The following DNA2 variants were observed in gnomAD, a reference collection of about 807,000 sequenced individuals.
DNA2 encodes the protein DNA replication ATP-dependent helicase/nuclease DNA2.
In DNA2, 101 loss-of-function variants were observed where a neutral mutation model predicts 119.1. The observed-to-expected ratio is 0.85, with a 90% confidence interval of 0.72 to 1.00. The LOEUF (loss-of-function observed/expected upper bound fraction) is 1.00, where lower values mean the gene tolerates loss of function less well. DNA2 is among the 50% of genes least tolerant of loss of function. The probability of loss-of-function intolerance (pLI) is 0.00; values close to 1 mark genes in which losing one functional copy is unlikely to be tolerated. For missense variants in DNA2, 1,121 were observed against 1,255.5 expected (o/e 0.89, Z 1.62); for synonymous variants, 366 against 424.4 (o/e 0.86, Z 1.69).
At chr10:68,424,643 G>A in intron 14 of DNA2, 3 of 1,602,146 alleles carry the variant, frequency 1.9e-6, no homozygotes, top group Non-Finnish European at 2.6e-6. Flanking sequence ...TGCACCGGAA[G>A]ATCATGTCAT....
intron 6 of DNA2, among the ~76,000 whole-genome samples, chr10:68,447,285 A>G (rs1376610924): frequency 6.6e-6 from 1 of 152,072 alleles, no homozygotes; most frequent in Non-Finnish European, 1.5e-5. Context: ...TGGAAGGCCA[A>G]CGTGGGCAGA....
At chr10:68,447,042 G>T (rs1246726653) in intron 6 of DNA2, among the ~76,000 whole-genome samples, 2 of 152,180 alleles carry the variant, frequency 1.3e-5, no homozygotes, top group Middle Eastern at 3.4e-3. Flanking sequence ...TGTTTGAGGG[G>T]ATGGATACCG....
intron 17 of DNA2, among the ~76,000 whole-genome samples, chr10:68,420,779 AAAAAACAAAAAC>A (rs2051654269): frequency 6.6e-6 from 1 of 151,790 alleles, no homozygotes; most frequent in South Asian, 2.1e-4. Flanking sequence ...ACTCCATCCT[AAAAAACAAAAAC>A]AAAAACAAAA....
chr10:68,420,701 T>A (rs892251503), intron 17 of DNA2, among the ~76,000 whole-genome samples: 1 of 127,718 alleles, frequency 7.8e-6, no homozygotes, highest in Admixed American at 7.3e-5. Flanking sequence ...CAATCTTGAT[T>A]TTTTTTTTTT....
chr10:68,444,866 ATTTAG>A, intron 8 of DNA2, 50 bp downstream of exon 8: 1 of 1,396,022 alleles, frequency 7.2e-7, no homozygotes, highest in Non-Finnish European at 1.0e-6. Context: ...TGTTAAACGT[ATTTAG>A]TTGAGTTCAT....
rs903318284 is a variant in DNA2 at position 68,430,477 on chromosome 10, T to G, written c.2167A>C (p.Ile723Leu). 1 of 1,610,814 alleles carries G rather than the reference T, an allele frequency of 6.2e-7. No individual in the cohort carries two copies. The highest frequency in any genetic ancestry group is 1.7e-5 in the Admixed American group (1 of 59,562). Residue 723 changes from isoleucine to leucine, a missense_variant, in exon 14 of 21, where the codon ATT becomes CTT. Transcript: ENST00000358410. ...TCTTCTAGAAGAGCTAAGGATTTAA[T>G]GGACTTTGATCTGCAAATTTCTTGC... ...TEQEICRSKS[I>L]KSLALLEELY...
At chr10:68,417,892 T>C (rs1376800823) in intron 19 of DNA2, among the ~76,000 whole-genome samples, 1 of 152,118 alleles carries the variant, frequency 6.6e-6, no homozygotes, top group Non-Finnish European at 1.5e-5. Flanking sequence ...CTAAGTGAAA[T>C]AAGGTAGTCA....
In DNA2 at chr10:68,452,925, G is replaced by A. The variant is rs889391329; in HGVS notation, c.720-2678C>T. Among the ~76,000 whole-genome samples, 10 of 148,256 alleles carry A rather than the reference G, an allele frequency of 6.7e-5. No homozygotes were observed. In the South Asian group the frequency reaches 1.5e-3, roughly 22 times the overall value. On this transcript the variant is annotated intron_variant, in intron 5 of 20. Coordinates refer to ENST00000358410, the MANE Select transcript of DNA2 (RefSeq NM_001080449.3). Reference sequence around the variant, plus strand: ...CACAATTTTTTTTTTTTTTGAGATGGAATCTCGCTCTGTCGCAGAGGCTGG... The same window carrying A: ...CACAATTTTTTTTTTTTTTGAGATGAAATCTCGCTCTGTCGCAGAGGCTGG...
chr10:68,429,882 A>AT (rs142420844), intron 14 of DNA2, among the ~76,000 whole-genome samples: 2,889 of 123,644 alleles, frequency 0.023, 187 homozygotes, highest in African/African-American at 0.079. Context: ...AAAAACCCGG[A>AT]TTTTTTTTTT....
intron 14 of DNA2, chr10:68,424,718 C>T (rs1006181314): frequency 3.0e-5 from 48 of 1,598,112 alleles, no homozygotes; most frequent in Non-Finnish European, 3.9e-5. Flanking sequence ...GCAAGGACGA[C>T]GAGGTCCAGG....
At chr10:68,448,893 C>T (rs1277165827) in intron 6 of DNA2, among the ~76,000 whole-genome samples, 1 of 152,044 alleles carries the variant, frequency 6.6e-6, no homozygotes, top group African/African-American at 2.4e-5. Context: ...TTCTCAGCCT[C>T]CCGAGTAGCT....
In DNA2 at chr10:68,414,836, TA is replaced by T. The variant is rs529121415; in HGVS notation, c.*202del. 654 of 410,064 alleles carry T rather than the reference TA, an allele frequency of 1.6e-3. 7 individuals carry two copies. Among genetic ancestry groups the T allele is most frequent in the African/African-American group, 0.012 (600 of 49,070 alleles). 25.4% of individuals were successfully genotyped at this position (410,064 alleles called of 1,614,324 possible). A position where few individuals can be genotyped will look rare whatever the true frequency, so the allele number is the denominator to read the frequency against. ...AAAGTTAATCCATCTTCAAAGCTGG[TA>T]AAAATTTATCAAACTCTTTCTCTAG... On this transcript the variant is annotated 3_prime_UTR_variant, in exon 21 of 21. Transcript: ENST00000358410.
intron 14 of DNA2, among the ~76,000 whole-genome samples, chr10:68,424,033 T>C (rs929276023): frequency 1.3e-5 from 2 of 152,194 alleles, no homozygotes; most frequent in Non-Finnish European, 2.9e-5. Flanking sequence ...TGACAATCTA[T>C]AAATGCCAAC....
At chr10:68,463,869 G>A (rs2052293028) in intron 4 of DNA2, among the ~76,000 whole-genome samples, 1 of 152,180 alleles carries the variant, frequency 6.6e-6, no homozygotes, top group Non-Finnish European at 1.5e-5. Context: ...ACAGAGCAGA[G>A]TTGTGTCAGC....
chr10:68,419,156 T>A lies in DNA2; in HGVS notation c.2845A>T (p.Ile949Phe), dbSNP rs1462520717. 6.2e-7 allele frequency: 1 copy of A among 1,613,304 alleles called. No individual in the cohort carries two copies. Among genetic ancestry groups the A allele is most frequent in the Non-Finnish European group, 8.5e-7 (1 of 1,179,726 alleles). Reference protein sequence around the residue: ...IIAPYRQQLKIINDLLARSIG... With the variant: ...IIAPYRQQLKFINDLLARSIG... ...GAACGTGCCAATAAATCATTGATGA[T>A]CTTTAATTGCTGCCTGTACGGTGCA... The change falls in exon 19 of 21, where the codon ATC becomes TTC. Residue 949 changes from isoleucine to phenylalanine, a missense_variant. Coordinates refer to ENST00000358410, the MANE Select transcript of DNA2 (RefSeq NM_001080449.3).
rs910767980 is a variant in DNA2 at position 68,453,319 on chromosome 10, C to T, written c.720-3072G>A. ...TGTGTTAATTTCCTTTATGACTGAC[C>T]TTTTAAAACATTTATCAACATTTCC... On this transcript the variant is annotated intron_variant, in intron 5 of 20. Transcript: ENST00000358410. Among the ~76,000 whole-genome samples the T allele has an allele frequency of 3.9e-5, 6 of 152,106 alleles. 1 individual carries two copies. Among genetic ancestry groups the T allele is most frequent in the African/African-American group, 7.2e-5 (3 of 41,422 alleles).
At position 68,422,868 on chromosome 10, in the gene DNA2, A is replaced by G; in HGVS notation, c.2231T>C (p.Met744Thr). The G allele has an allele frequency of 6.3e-7, 1 of 1,583,880 alleles. No individual in the cohort carries two copies. The highest frequency in any genetic ancestry group is 1.2e-5 in the South Asian group (1 of 85,200). ...GGAAAATATTGGATGGTTTATTCCC[A>G]TACATGTTGTTGCAACTATAAGCTA... ...NSQLIVATTC[M>T]GINHPIFSRK... Residue 744 changes from methionine (M) to threonine (T), a missense_variant, in exon 15 of 21, where the codon ATG (methionine) becomes ACG (threonine). Transcript: ENST00000358410.
chr10:68,440,274 CAG>C (rs2051950576), intron 9 of DNA2, among the ~76,000 whole-genome samples: 1 of 152,110 alleles, frequency 6.6e-6, no homozygotes, highest in Non-Finnish European at 1.5e-5. Flanking sequence ...GCCTGGGTAA[CAG>C]AGTAAGACTT....
intron 5 of DNA2, among the ~76,000 whole-genome samples, chr10:68,458,476 G>A (rs1018774213): frequency 1.3e-5 from 2 of 151,222 alleles, no homozygotes; most frequent in Admixed American, 6.6e-5. Flanking sequence ...GGAGGTTGCA[G>A]TAAGCCGAAA....
Sources: gnomAD v4.1 joint callset for allele counts (sites outside exome capture counted in the v4.1 genomes callset) on GRCh38, gnomAD v4.1.1 for gene constraint, MANE v1.5 for transcripts, NCBI Gene and HGNC (gene_info 2026-07-23, HGNC 2026-07-21) for gene names.